KCNMA1: variants seen among roughly 807,000 people sequenced by gnomAD.
KCNMA1 encodes Calcium-activated potassium channel subunit alpha-1.
KCNMA1 carries 29 observed loss-of-function variants against 140.0 expected under a neutral mutation model. The observed-to-expected ratio is 0.21, with a 90% confidence interval of 0.15 to 0.28. KCNMA1 has a LOEUF of 0.28. Among genes scored for constraint, KCNMA1 ranks in the 10% least tolerant of loss-of-function variants. The pLI, the probability that KCNMA1 is intolerant of heterozygous loss-of-function variation, is 1.00. For synonymous variants in KCNMA1, 612 were observed against 611.9 expected (o/e 1.00, Z 0.00); for missense variants, 880 against 1,602.2 (o/e 0.55, Z 7.70).
downstream of KCNMA1, chr10:76,884,106 G>T: frequency 2.5e-6 from 1 of 401,662 alleles, no homozygotes; most frequent in Non-Finnish European, 3.4e-6. Flanking sequence ...GTTGCTAACA[G>T]ACTGTATATA....
chr10:77,430,675 A>G (rs1426532037), intron 1 of KCNMA1, among the ~76,000 whole-genome samples: 1 of 152,204 alleles, frequency 6.6e-6, no homozygotes, highest in Non-Finnish European at 1.5e-5. Context: ...AGGACCTCAC[A>G]GTGGTCATAA....
At chr10:77,429,384 T>C (rs934897529) in intron 1 of KCNMA1, among the ~76,000 whole-genome samples, 2 of 152,208 alleles carry the variant, frequency 1.3e-5, no homozygotes, top group African/African-American at 4.8e-5. Context: ...CCAGTAGCTA[T>C]TCTCCTCCAT....
At chr10:77,217,563 C>T (rs1053829725) in intron 3 of KCNMA1, 4 of 455,542 alleles carry the variant, frequency 8.8e-6, no homozygotes, top group Non-Finnish European at 1.8e-5. Context: ...CAGGAGCTGC[C>T]GAATGAAAAC....
chr10:77,574,949 C>A (rs1282677267), intron 1 of KCNMA1, among the ~76,000 whole-genome samples: 4 of 152,156 alleles, frequency 2.6e-5, no homozygotes, highest in Non-Finnish European at 5.9e-5. Flanking sequence ...CAGGGCCTGA[C>A]CACTGCAGGG....
intron 1 of KCNMA1, among the ~76,000 whole-genome samples, chr10:77,447,379 AC>A: frequency 1.3e-5 from 2 of 152,350 alleles, no homozygotes; most frequent in South Asian, 4.1e-4. Flanking sequence ...CTCCACCAGT[AC>A]CCATCTCCCA....
At chr10:77,042,131 T>A (rs1211425471) in intron 14 of KCNMA1, among the ~76,000 whole-genome samples, 1 of 152,208 alleles carries the variant, frequency 6.6e-6, no homozygotes, top group Non-Finnish European at 1.5e-5. Context: ...CTGCTGGGTA[T>A]GAGCAGTTTA....
chr10:77,171,934 T>C (rs2154101955), intron 5 of KCNMA1, among the ~76,000 whole-genome samples: 1 of 152,300 alleles, frequency 6.6e-6, no homozygotes, highest in African/African-American at 2.4e-5. Context: ...CTGTTCTTTC[T>C]AGAGGACACT....
intron 1 of KCNMA1, among the ~76,000 whole-genome samples, chr10:77,567,469 C>G (rs1346789719): frequency 1.3e-5 from 2 of 152,174 alleles, no homozygotes. Context: ...GAGGAACTAC[C>G]GGCAGTTATG....
Position 77,188,178 on chromosome 10 carries a change from A to C in KCNMA1, c.603-3262T>G, listed in dbSNP as rs188659123. 8.7e-3 allele frequency among the ~76,000 whole-genome samples: 1,324 copies of C among 152,218 alleles called. 4 individuals are homozygous for C. The highest frequency in any genetic ancestry group is 0.031 in the Middle Eastern group (9 of 294). Reference sequence around the variant, plus strand: ...GAAATTGTGCTTTAAAGAAAAAAAAACTACAAAGGAAAGTGACTCTGGATC... The same window carrying C: ...GAAATTGTGCTTTAAAGAAAAAAAACCTACAAAGGAAAGTGACTCTGGATC... On this transcript the variant is annotated intron_variant, in intron 3 of 27. Coordinates refer to ENST00000286628, the MANE Select transcript of KCNMA1 (RefSeq NM_001161352.2).
intron 2 of KCNMA1, among the ~76,000 whole-genome samples, chr10:77,399,746 G>T (rs778240320): frequency 3.3e-5 from 5 of 152,200 alleles, no homozygotes; most frequent in Non-Finnish European, 5.9e-5. Context: ...CTTATATCTA[G>T]TTTATCAATA....
At chr10:77,460,422 A>C (rs1227896728) in intron 1 of KCNMA1, among the ~76,000 whole-genome samples, 1 of 152,152 alleles carries the variant, frequency 6.6e-6, no homozygotes, top group African/African-American at 2.4e-5. Flanking sequence ...AGACCAAAAA[A>C]ACACCTGCAC....
chr10:77,489,724 A>G lies in KCNMA1; in HGVS notation c.379-85701T>C, dbSNP rs2098509142. Among the ~76,000 whole-genome samples the G allele has an allele frequency of 4.6e-5, 7 of 152,380 alleles. No individual in the cohort carries two copies. In the South Asian group the frequency reaches 1.4e-3, roughly 32 times the overall value. On this transcript the variant is annotated intron_variant, in intron 1 of 27. Transcript: ENST00000286628. ...TAGGAAAACCTGGTTTTTCCAAAGCAGAGCTTAATATCACAAGAGAAAGAG... is the reference window on the plus strand; with the variant it reads ...TAGGAAAACCTGGTTTTTCCAAAGCGGAGCTTAATATCACAAGAGAAAGAG...
At chr10:77,217,951 A>C (rs1280487148) in intron 3 of KCNMA1, among the ~76,000 whole-genome samples, 1 of 152,146 alleles carries the variant, frequency 6.6e-6, no homozygotes, top group Admixed American at 6.5e-5. Flanking sequence ...AATATAAACT[A>C]TCTATGCCAT....
intron 5 of KCNMA1, among the ~76,000 whole-genome samples, chr10:77,156,343 CAA>C (rs2098484153): frequency 6.6e-6 from 1 of 150,986 alleles, no homozygotes; most frequent in Admixed American, 6.6e-5. Context: ...GTAAAAGTTA[CAA>C]AGTTTAGCGA....
At chr10:77,468,449 A>C (rs2098081821) in intron 1 of KCNMA1, among the ~76,000 whole-genome samples, 1 of 152,218 alleles carries the variant, frequency 6.6e-6, no homozygotes, top group African/African-American at 2.4e-5. Context: ...CAAAGATGTG[A>C]TAAAATTAAA....
At position 77,141,350 on chromosome 10, in the gene KCNMA1, A is replaced by G. The variant is rs114089751; in HGVS notation, c.809-20302T>C. 3.6e-3 allele frequency among the ~76,000 whole-genome samples: 549 copies of G among 152,196 alleles called. 3 individuals carry two copies. The highest frequency in any genetic ancestry group is 0.013 in the African/African-American group (524 of 41,552). ...GTCGTAGGTTGAAGCCCAAACCCCA[A>G]TGTGATGGTATTTGGAGATGAGGTA... On this transcript the variant is annotated intron_variant, in intron 5 of 27. Transcript: ENST00000286628.
chr10:77,340,948 G>A (rs552149141), intron 2 of KCNMA1, among the ~76,000 whole-genome samples: 3 of 151,864 alleles, frequency 2.0e-5, no homozygotes, highest in East Asian at 1.9e-4. Flanking sequence ...AAACACATCT[G>A]TACTACAAAA....
intron 1 of KCNMA1, among the ~76,000 whole-genome samples, chr10:77,517,123 T>C (rs992068326): frequency 6.6e-6 from 1 of 152,180 alleles, no homozygotes; most frequent in South Asian, 2.1e-4. Context: ...TTCTCCCTGA[T>C]GCAAACTCAG....
intron 3 of KCNMA1, among the ~76,000 whole-genome samples, chr10:77,185,344 AT>A (rs1367464464): frequency 6.6e-6 from 1 of 152,068 alleles, no homozygotes; most frequent in African/African-American, 2.4e-5. Context: ...CCTCCAACGC[AT>A]TGGCAGTGGG....
Sources: allele counts gnomAD v4.1 joint callset (sites outside exome capture counted in the v4.1 genomes callset), GRCh38; gene constraint gnomAD v4.1.1; transcripts MANE v1.5; gene names NCBI Gene and HGNC (gene_info 2026-07-23, HGNC 2026-07-21).